The following IPO7 variants were observed in gnomAD, a reference collection of about 807,000 sequenced individuals.
IPO7 encodes the protein importin-7.
IPO7 carries 13 observed loss-of-function variants against 136.4 expected under a neutral mutation model. That is an observed-to-expected ratio of 0.10 (90% CI 0.06 to 0.15). The LOEUF (loss-of-function observed/expected upper bound fraction) is 0.15, where lower values mean the gene tolerates loss of function less well. IPO7 is among the 10% of genes least tolerant of loss of function. The pLI is 1.00. For missense variants in IPO7, 857 were observed against 1,240.6 expected (o/e 0.69, Z 4.65); for synonymous variants, 403 against 404.4 (o/e 1.00, Z 0.04).
chr11:9,393,509 A>G (rs1384920943), intron 1 of IPO7, among the ~76,000 whole-genome samples: 1 of 152,030 alleles, frequency 6.6e-6, no homozygotes, highest in Non-Finnish European at 1.5e-5. Flanking sequence ...CCTCCCTAGT[A>G]GCTGGGATAA....
At chr11:9,385,121 G>A (rs1590421222) in intron 1 of IPO7, among the ~76,000 whole-genome samples, 2 of 152,206 alleles carry the variant, frequency 1.3e-5, no homozygotes, top group East Asian at 3.8e-4. Flanking sequence ...CGGGCGTGAC[G>A]GGTTGGACAC....
intron 5 of IPO7, among the ~76,000 whole-genome samples, chr11:9,415,789 G>T (rs1368634197): frequency 6.6e-6 from 1 of 151,738 alleles, no homozygotes; most frequent in African/African-American, 2.4e-5. Context: ...AGTGAGCCGA[G>T]ATCGCACCAC....
chr11:9,415,237 G>A (rs1847899975), intron 5 of IPO7, among the ~76,000 whole-genome samples: 1 of 151,690 alleles, frequency 6.6e-6, no homozygotes, highest in African/African-American at 2.4e-5. Context: ...CAGGAGAAAA[G>A]CTTGAACCTG....
At chr11:9,436,568 A>C (rs1471927621) in intron 20 of IPO7, among the ~76,000 whole-genome samples, 1 of 152,008 alleles carries the variant, frequency 6.6e-6, no homozygotes, top group Non-Finnish European at 1.5e-5. Context: ...ACTAAGTTTT[A>C]TGGCTACTTT....
At chr11:9,396,485 A>C (rs1473193868) in intron 1 of IPO7, among the ~76,000 whole-genome samples, 3 of 152,234 alleles carry the variant, frequency 2.0e-5, no homozygotes, top group African/African-American at 7.2e-5. Flanking sequence ...AGTGGCTTTT[A>C]GTATGTTCAC....
Position 9,424,019 on chromosome 11 carries a change from A to G in IPO7, c.1141+143A>G, listed in dbSNP as rs1041926358. ...CCCTTGTGTAGTCCTTTTTGGGGCT[A>G]TTTATTAATTATGACATTTGATAAT... is the stretch of plus-strand genomic sequence containing the variant. On this transcript the variant is annotated intron_variant, in intron 10 of 24. Coordinates refer to ENST00000379719, the MANE Select transcript of IPO7 (RefSeq NM_006391.3). The G allele has an allele frequency of 7.1e-5, 36 of 510,442 alleles. No homozygotes were observed. The Admixed American group carries it at 8.6e-4, about 12-fold the overall frequency. 31.6% of individuals were successfully genotyped at this position (510,442 alleles called of 1,614,324 possible).
At chr11:9,423,463 T>G (rs1275459686) in intron 9 of IPO7, among the ~76,000 whole-genome samples, 1 of 152,232 alleles carries the variant, frequency 6.6e-6, no homozygotes, top group African/African-American at 2.4e-5. Flanking sequence ...TCATTTCTAG[T>G]ATAAATGACT....
At chr11:9,401,597 A>T (rs1345935511) in intron 1 of IPO7, among the ~76,000 whole-genome samples, 1 of 152,156 alleles carries the variant, frequency 6.6e-6, no homozygotes, top group African/African-American at 2.4e-5. Flanking sequence ...AAATATGACA[A>T]ATTTAGGAAT....
At chr11:9,437,608 A>AT (rs1855397604) in intron 20 of IPO7, 146 bp from the exon 21 acceptor site, 1 of 642,796 alleles carries the variant, frequency 1.6e-6, no homozygotes, top group African/African-American at 1.8e-5. Context: ...CTAAAATTAG[A>AT]TTTCCCAGTG....
intron 5 of IPO7, 51 bp from the exon 6 acceptor site, chr11:9,417,008 G>T: frequency 1.2e-6 from 1 of 854,838 alleles, no homozygotes; most frequent in Non-Finnish European, 1.9e-6. Flanking sequence ...AAAAGAAGTA[G>T]GATTTTCTTT....
chr11:9,416,815 A>G (rs1205570092), intron 5 of IPO7, among the ~76,000 whole-genome samples: 1 of 152,242 alleles, frequency 6.6e-6, no homozygotes, highest in Non-Finnish European at 1.5e-5. Flanking sequence ...GGTGTTCATT[A>G]GAAATCTACA....
chr11:9,430,063 C>T (rs1855271230), intron 15 of IPO7, among the ~76,000 whole-genome samples: 1 of 152,150 alleles, frequency 6.6e-6, no homozygotes, highest in Non-Finnish European at 1.5e-5. Flanking sequence ...AAGGGGTGTG[C>T]AACCTAGATC....
rs1460410098 is a variant in IPO7 at position 9,417,703 on chromosome 11, GTTTTCTT to G, written c.726+567_726+573del. ...TATTATAATTTTTCTTTATAGTCTA[GTTTTCTT>G]TTTTCTTTTTTTTTTTTTTAAGCTG... On this transcript the variant is annotated intron_variant, in intron 6 of 24. Transcript: ENST00000379719. Among the ~76,000 whole-genome samples the G allele has an allele frequency of 2.7e-5, 4 of 149,032 alleles. No individual in the cohort carries two copies. In the East Asian group the frequency reaches 7.8e-4, roughly 29 times the overall value.
intron 24 of IPO7, among the ~76,000 whole-genome samples, chr11:9,442,744 C>CT (rs1191360194): frequency 1.3e-5 from 2 of 151,560 alleles, no homozygotes; most frequent in Admixed American, 6.6e-5. Flanking sequence ...ATAATTGGGC[C>CT]AGGTGTGGTG....
At chr11:9,408,773 A>G in intron 3 of IPO7, 134 bp downstream of exon 3, 2 of 523,598 alleles carry the variant, frequency 3.8e-6, no homozygotes. Context: ...GTGCAGTGGC[A>G]CGATCCTTGC....
chr11:9,406,808 A>C (rs960498729), intron 2 of IPO7, among the ~76,000 whole-genome samples: 1 of 152,064 alleles, frequency 6.6e-6, no homozygotes, highest in Non-Finnish European at 1.5e-5. Flanking sequence ...TGGGAGATGG[A>C]GGTTGTGGTG....
chr11:9,397,341 A>AAATATATATAT, intron 1 of IPO7, among the ~76,000 whole-genome samples: 1 of 10,762 alleles, frequency 9.3e-5, no homozygotes, highest in South Asian at 6.6e-3. Flanking sequence ...TTTAAAAAAA[A>AAATATATATAT]ATATATATAT....
At chr11:9,387,331 C>T (rs1854565160) in intron 1 of IPO7, among the ~76,000 whole-genome samples, 1 of 152,142 alleles carries the variant, frequency 6.6e-6, no homozygotes, top group African/African-American at 2.4e-5. Flanking sequence ...AACAAAATAG[C>T]CCTTCTGCCT....
At chr11:9,405,404 G>C (rs1022056656) in intron 2 of IPO7, among the ~76,000 whole-genome samples, 1 of 152,114 alleles carries the variant, frequency 6.6e-6, no homozygotes, top group African/African-American at 2.4e-5. Flanking sequence ...TCCATCTCCT[G>C]ACCTCGTGAT....
Sources: allele counts gnomAD v4.1 joint callset (sites outside exome capture counted in the v4.1 genomes callset), GRCh38; gene constraint gnomAD v4.1.1; transcripts MANE v1.5; gene names NCBI Gene and HGNC (gene_info 2026-07-23, HGNC 2026-07-21).